The following KCNK2 variants were observed in gnomAD, a reference collection of about 807,000 sequenced individuals.
KCNK2 encodes the protein potassium two pore domain channel subfamily K member 2.
A neutral mutation model predicts 40.5 loss-of-function variants in KCNK2; 21 were observed. The observed-to-expected ratio is 0.52, with a 90% CI of 0.37 to 0.75. The LOEUF is 0.75. Among genes scored for constraint, KCNK2 ranks in the 30% least tolerant of loss-of-function variants. KCNK2 has a pLI of 0.00. For missense variants in KCNK2, 399 were observed against 531.6 expected (o/e 0.75, Z 2.45); for synonymous variants, 191 against 202.2 (o/e 0.94, Z 0.47).
intron 1 of KCNK2, among the ~76,000 whole-genome samples, chr1:215,085,857 C>A (rs1411624670): frequency 6.6e-6 from 1 of 152,066 alleles, no homozygotes; most frequent in African/African-American, 2.4e-5. Flanking sequence ...ATCACAAATT[C>A]TTTTATAATG....
At chr1:215,093,404 CATATA>C (rs1370225636) in intron 2 of KCNK2, among the ~76,000 whole-genome samples, 1 of 127,732 alleles carries the variant, frequency 7.8e-6, no homozygotes, top group African/African-American at 3.0e-5. Flanking sequence ...CTATAATATA[CATATA>C]ATATATAATA....
intron 3 of KCNK2, among the ~76,000 whole-genome samples, chr1:215,139,201 T>C (rs1193065717): frequency 1.3e-5 from 2 of 152,166 alleles, no homozygotes; most frequent in African/African-American, 4.8e-5. Context: ...CAGAGTCAAA[T>C]ATGATTACCA....
intron 1 of KCNK2, among the ~76,000 whole-genome samples, chr1:215,053,891 C>T (rs182973623): frequency 4.6e-5 from 7 of 152,270 alleles, no homozygotes; most frequent in Admixed American, 2.6e-4. Flanking sequence ...CTCTGGAGGC[C>T]GGGAGGCGGA....
chr1:215,120,316 A>C (rs1345998109), intron 2 of KCNK2, among the ~76,000 whole-genome samples: 1 of 152,184 alleles, frequency 6.6e-6, no homozygotes, highest in Non-Finnish European at 1.5e-5. Context: ...AATAATTTTA[A>C]TTAATGGGGG....
At chr1:215,097,743 A>T (rs1660041687) in intron 2 of KCNK2, among the ~76,000 whole-genome samples, 1 of 152,022 alleles carries the variant, frequency 6.6e-6, no homozygotes, top group Non-Finnish European at 1.5e-5. Flanking sequence ...GAAGATGAGC[A>T]ACAGAAGTTT....
At chr1:215,067,506 A>C (rs1161924283) in intron 1 of KCNK2, among the ~76,000 whole-genome samples, 2 of 152,206 alleles carry the variant, frequency 1.3e-5, no homozygotes, top group Non-Finnish European at 2.9e-5. Flanking sequence ...AATGGCTTCT[A>C]AATAGAATGA....
chr1:215,018,440 T>C (rs1165619721), intron 1 of KCNK2, among the ~76,000 whole-genome samples: 1 of 152,192 alleles, frequency 6.6e-6, no homozygotes, highest in South Asian at 2.1e-4. Flanking sequence ...CCACTATTAA[T>C]GGGACAATTT....
At chr1:215,165,033 C>G (rs1042118784) in intron 3 of KCNK2, among the ~76,000 whole-genome samples, 1 of 152,168 alleles carries the variant, frequency 6.6e-6, no homozygotes, top group South Asian at 2.1e-4. Flanking sequence ...TGATTCATTA[C>G]AACTTTGTAT....
At chr1:215,093,394 CTATAATATACA>C (rs2102539370) in intron 2 of KCNK2, among the ~76,000 whole-genome samples, 1 of 125,712 alleles carries the variant, frequency 8.0e-6, no homozygotes, top group African/African-American at 3.0e-5. Flanking sequence ...TATAATATAC[CTATAATATACA>C]TATAATATAT....
At chr1:215,115,027 G>C (rs966195006) in intron 2 of KCNK2, among the ~76,000 whole-genome samples, 1 of 134,838 alleles carries the variant, frequency 7.4e-6, no homozygotes, top group African/African-American at 2.9e-5. Flanking sequence ...GTGTGTGTGT[G>C]TACAAAGCTT....
intron 6 of KCNK2, among the ~76,000 whole-genome samples, chr1:215,233,795 G>A (rs1425958913): frequency 6.6e-6 from 1 of 152,116 alleles, no homozygotes; most frequent in Non-Finnish European, 1.5e-5. Context: ...TATTTTAAGC[G>A]ACAGTCTAGA....
intron 6 of KCNK2, among the ~76,000 whole-genome samples, chr1:215,211,227 A>C (rs1665729268): frequency 6.6e-6 from 1 of 151,562 alleles, no homozygotes; most frequent in Admixed American, 6.6e-5. Context: ...CCCAGTGCTC[A>C]CTCTGTTCCA....
chr1:215,011,520 A>G (rs1656387575), intron 1 of KCNK2, among the ~76,000 whole-genome samples: 1 of 152,126 alleles, frequency 6.6e-6, no homozygotes, highest in Non-Finnish European at 1.5e-5. Flanking sequence ...CTCAAACTCC[A>G]GGACTCAAGA....
At chr1:215,079,913 G>A (rs1659087445), upstream of KCNK2, among the ~76,000 whole-genome samples, 1 of 152,140 alleles carries the variant, frequency 6.6e-6, no homozygotes, top group Non-Finnish European at 1.5e-5. Context: ...TTGGCTTGTT[G>A]GGATGATTCC....
At chr1:215,135,605 TTGAA>T (rs1661871112) in intron 3 of KCNK2, among the ~76,000 whole-genome samples, 2 of 152,082 alleles carry the variant, frequency 1.3e-5, no homozygotes, top group Non-Finnish European at 2.9e-5. Context: ...TTAGCATAGT[TTGAA>T]TGTACAAAAT....
chr1:215,118,853 A>G (rs554854594), intron 2 of KCNK2, among the ~76,000 whole-genome samples: 5 of 152,302 alleles, frequency 3.3e-5, no homozygotes, highest in African/African-American at 1.2e-4. Flanking sequence ...TTTATCACTT[A>G]AAAGTGTTCA....
At chr1:215,233,768 G>T (rs1666768223) in intron 6 of KCNK2, among the ~76,000 whole-genome samples, 1 of 152,140 alleles carries the variant, frequency 6.6e-6, no homozygotes, top group South Asian at 2.1e-4. Flanking sequence ...TGGAGGAGTT[G>T]TTCCATATTA....
chr1:215,024,353 C>A (rs754022772), intron 1 of KCNK2, among the ~76,000 whole-genome samples: 1 of 152,192 alleles, frequency 6.6e-6, no homozygotes, highest in Non-Finnish European at 1.5e-5. Context: ...GACTCTCATA[C>A]GGTTAGTGCA....
At chr1:215,092,851 T>G (rs1015259435) in intron 2 of KCNK2, among the ~76,000 whole-genome samples, 8 of 152,146 alleles carry the variant, frequency 5.3e-5, no homozygotes, top group Admixed American at 3.3e-4. Flanking sequence ...CCTCAGACCA[T>G]GGCTATAAAG....
Sources: allele counts gnomAD v4.1 joint callset (sites outside exome capture counted in the v4.1 genomes callset), GRCh38; gene constraint gnomAD v4.1.1; transcripts MANE v1.5; gene names NCBI Gene and HGNC (gene_info 2026-07-23, HGNC 2026-07-21).